KIDINS220: variants seen among roughly 807,000 people sequenced by gnomAD.
KIDINS220 encodes the protein kinase D interacting substrate 220.
A neutral mutation model predicts 157.6 loss-of-function variants in KIDINS220; 63 were observed. The ratio of observed to expected loss-of-function variants is 0.40; its 90% CI spans 0.33 to 0.49. The LOEUF (loss-of-function observed/expected upper bound fraction) is 0.49, where lower values mean the gene tolerates loss of function less well. KIDINS220 is among the 20% of genes least tolerant of loss of function. The probability of loss-of-function intolerance (pLI) is 0.66; values close to 1 mark genes in which losing one functional copy is unlikely to be tolerated. For missense variants in KIDINS220, 1,772 were observed against 2,171.2 expected (o/e 0.82, Z 3.65); for synonymous variants, 732 against 783.6 (o/e 0.93, Z 1.10).
chr2:8,750,183 C>T lies in KIDINS220; in HGVS notation c.3343G>A (p.Val1115Met). ...TSFNGPFAGG[V>M]VSPQPHSSYY... ...CTGCTGTGAGGCTGTGGTGACACCA[C>T]TCCACCTGCGAAGGGCCCATTGAAG... The change falls in exon 24 of 30, where the codon GTG (valine) becomes ATG (methionine). Residue 1115 changes from valine (V) to methionine (M), a missense_variant. Physicochemically the swap from Val to Met is conservative, Grantham distance 21 (BLOSUM62 1). Around this residue, in one of 3 missense-constraint regions of KIDINS220, gnomAD observed 793 missense variants for 885.5 expected, o/e 0.90. Transcript: ENST00000256707. The T allele has an allele frequency of 1.2e-6, 2 of 1,614,210 alleles. No homozygotes were observed. The highest frequency in any genetic ancestry group is 8.5e-7 in the Non-Finnish European group (1 of 1,180,030).
In KIDINS220 at chr2:8,750,354, C is replaced by T. The variant is rs770258882; in HGVS notation, c.3191-19G>A. ...CGAACATCTGAAAGATTCAATCAGA[C>T]CCCAGAAGGCAAGAGAAAACAGGAC... On this transcript the variant is annotated intron_variant, in intron 23 of 29. Transcript: ENST00000256707. 3.4e-6 allele frequency: 5 copies of T among 1,489,294 alleles called. No homozygotes were observed. Among genetic ancestry groups the T allele is most frequent in the Non-Finnish European group, 3.6e-6 (4 of 1,109,526 alleles). 92.3% of individuals were successfully genotyped at this position (1,489,294 alleles called of 1,614,324 possible).
In KIDINS220 at chr2:8,814,426, AATAGAAAGAT is replaced by A. The variant is rs1676760362; in HGVS notation, c.307-1101_307-1092del. Among the ~76,000 whole-genome samples, 4 of 152,322 alleles carry A rather than the reference AATAGAAAGAT, an allele frequency of 2.6e-5. No individual in the cohort carries two copies. In the South Asian group the frequency reaches 8.3e-4, roughly 32 times the overall value. ...ATAAATATTCATAAGTCCATACTGA[AATAGAAAGAT>A]ATAGATAGATATATAGATGAATGGA... On this transcript the variant is annotated intron_variant, in intron 4 of 29. Coordinates refer to ENST00000256707, the MANE Select transcript of KIDINS220 (RefSeq NM_020738.4).
chr2:8,826,769 A>G, intron 2 of KIDINS220: 1 of 309,820 alleles, frequency 3.2e-6, no homozygotes, highest in Non-Finnish European at 5.9e-6. Flanking sequence ...GGGAAAAAAA[A>G]CAATAAATCT....
rs367886108 is a variant in KIDINS220 at position 8,736,906 on chromosome 2, G to C, written c.3679C>G (p.Gln1227Glu). ...GTACAATACTGAGGCAGCATACTCT[G>C]GTCCAGCCCTTCTATTTGTTTCAGC... is the stretch of plus-strand genomic sequence containing the variant. ...EKLKQIEGLD[Q>E]SMLPQYCTTI... is the part of the protein sequence containing the mutation. Residue 1227 changes from glutamine (Q) to glutamate (E), a missense_variant, in exon 27 of 30, where the codon CAG (glutamine) becomes GAG (glutamate). This residue lies in a region of KIDINS220 where 793 missense variants were observed against 885.5 expected (regional missense o/e 0.90). Coordinates refer to ENST00000256707, the MANE Select transcript of KIDINS220 (RefSeq NM_020738.4). 267 of 1,614,044 alleles carry C rather than the reference G, an allele frequency of 1.7e-4. No individual in the cohort carries two copies. The highest frequency in any genetic ancestry group is 2.2e-4 in the Non-Finnish European group (254 of 1,180,032).
intron 12 of KIDINS220, among the ~76,000 whole-genome samples, chr2:8,792,156 A>G (rs1193581899): frequency 1.3e-5 from 2 of 152,192 alleles, no homozygotes; most frequent in African/African-American, 4.8e-5. Context: ...CCATAGAAGT[A>G]CTAGAAGGAA....
chr2:8,748,782 T>C (rs1666917985), intron 24 of KIDINS220, among the ~76,000 whole-genome samples: 1 of 152,188 alleles, frequency 6.6e-6, no homozygotes, highest in South Asian at 2.1e-4. Context: ...AAAAAGTAGC[T>C]AGATTTAAAA....
intron 26 of KIDINS220, 100 bp from the exon 27 acceptor site, chr2:8,737,099 G>T: frequency 8.7e-7 from 1 of 1,151,658 alleles, no homozygotes; most frequent in Non-Finnish European, 1.2e-6. Flanking sequence ...ATACCATGAA[G>T]TAAAGTAAAA....
intron 26 of KIDINS220, among the ~76,000 whole-genome samples, chr2:8,743,749 G>C (rs1665961066): frequency 6.6e-6 from 1 of 152,146 alleles, no homozygotes; most frequent in South Asian, 2.1e-4. Context: ...ACTCCTGGGG[G>C]ACCCTCAAGA....
chr2:8,786,111 A>G, intron 16 of KIDINS220, 81 bp from the exon 17 acceptor site: 1 of 1,559,880 alleles, frequency 6.4e-7, no homozygotes, highest in Non-Finnish European at 8.7e-7. Flanking sequence ...ATACCTGATG[A>G]GTCTAATGTT....
intron 17 of KIDINS220, among the ~76,000 whole-genome samples, chr2:8,780,199 T>C (rs760210142): frequency 1.3e-5 from 2 of 152,220 alleles, no homozygotes; most frequent in Non-Finnish European, 1.5e-5. Context: ...ACCTTTCACT[T>C]TGAAAAAGAA....
chr2:8,770,108 A>G (rs1402347759), intron 22 of KIDINS220, among the ~76,000 whole-genome samples: 1 of 152,218 alleles, frequency 6.6e-6, no homozygotes, highest in Non-Finnish European at 1.5e-5. Flanking sequence ...AAGTGTATAT[A>G]AACTATACAC....
intron 5 of KIDINS220, 81 bp from the exon 6 acceptor site, chr2:8,812,574 G>T: frequency 1.6e-6 from 1 of 640,106 alleles, no homozygotes; most frequent in Admixed American, 3.5e-5. Context: ...AGGGAGGGAA[G>T]GAGAAATAAA....
At chr2:8,737,105 T>TA (rs562660215) in intron 26 of KIDINS220, 106 bp from the exon 27 acceptor site, 1,322 of 1,077,770 alleles carry the variant, frequency 1.2e-3, no homozygotes, top group East Asian at 2.0e-3. Flanking sequence ...TGAAGTAAAG[T>TA]AAAAAAAAAC....
intron 6 of KIDINS220, among the ~76,000 whole-genome samples, chr2:8,811,264 C>T (rs922537698): frequency 5.3e-5 from 8 of 149,656 alleles, no homozygotes; most frequent in South Asian, 2.1e-4. Context: ...ATTCTAAGAC[C>T]GCTACTGGAA....
At chr2:8,726,910 A>C (rs1305313537), downstream of KIDINS220, 1 of 1,289,168 alleles carries the variant, frequency 7.8e-7, no homozygotes, top group African/African-American at 1.5e-5. Flanking sequence ...GGATCCTCTG[A>C]AGAGCTATCT....
chr2:8,750,316 C>T lies in KIDINS220; in HGVS notation c.3210G>A (p.Glu1070=), dbSNP rs757933646. ...ACGCCAGTCCTCCAATACTGATCTG[C>T]TCTCTGGCAGCACGAACATCTGAAA... ...EIIADVRAAR[E]QISIGGLAYP... The change falls in exon 24 of 30, where the codon GAG becomes GAA. Residue 1070 remains glutamate (E), a synonymous_variant. Coordinates refer to ENST00000256707, the MANE Select transcript of KIDINS220 (RefSeq NM_020738.4). The T allele has an allele frequency of 6.3e-7, 1 of 1,579,910 alleles. No homozygotes were observed. The highest frequency in any genetic ancestry group is 1.2e-5 in the South Asian group (1 of 85,722).
rs777649464 is a variant in KIDINS220, at chr2:8,733,636, G to A, written c.3861C>T (p.Asp1287=). ...RNAESHVVPE[D]PRFLSESSSG... ...TGCTGCTCTCACTGAGGAAACGTGG[G>A]TCTTCAGGGACCACGTGGCTTTCTG... The change falls in exon 29 of 30, where the codon GAC becomes GAT. Residue 1287 remains aspartate (D), a synonymous_variant. Transcript: ENST00000256707. 1.4e-5 allele frequency: 23 copies of A among 1,604,316 alleles called. No homozygotes were observed. The highest frequency in any genetic ancestry group is 1.9e-5 in the Non-Finnish European group (22 of 1,172,888).
Position 8,788,791 on chromosome 2 carries a change from C to T in KIDINS220, c.1643G>A (p.Arg548Gln), listed in dbSNP as rs200581891. The T allele has an allele frequency of 3.1e-5, 50 of 1,613,466 alleles. 1 individual carries two copies. Among genetic ancestry groups the T allele is most frequent in the East Asian group, 1.1e-4 (5 of 44,882 alleles). The change falls in exon 15 of 30, where the codon CGA becomes CAA. Residue 548 changes from arginine to glutamine, a missense_variant. Coordinates refer to ENST00000256707, the MANE Select transcript of KIDINS220 (RefSeq NM_020738.4). ...IFFIVIYFGG[R>Q]REGESWNWAW... ...CCAATTCCAACTCTCTCCTTCTCTT[C>T]GTCCACCAAAGTAAATGACAACTGA...
intron 2 of KIDINS220, among the ~76,000 whole-genome samples, chr2:8,826,529 AC>A (rs1678837320): frequency 6.6e-6 from 1 of 152,202 alleles, no homozygotes; most frequent in Non-Finnish European, 1.5e-5. Flanking sequence ...AATCACTTGA[AC>A]CTGGGAGGCG....
Sources: gnomAD v4.1 joint callset for allele counts (sites outside exome capture counted in the v4.1 genomes callset) on GRCh38, gnomAD v4.1.1 for gene constraint, gnomAD v4.1.1 regional missense constraint, MANE v1.5 for transcripts, NCBI Gene and HGNC (gene_info 2026-07-23, HGNC 2026-07-21) for gene names.